PLEKHH2: variants seen among roughly 807,000 people sequenced by gnomAD.
PLEKHH2 encodes the protein pleckstrin homology domain-containing family H member 2.
In PLEKHH2, 129 loss-of-function variants were observed where a neutral mutation model predicts 187.9. The ratio of observed to expected loss-of-function variants is 0.69; its 90% confidence interval spans 0.59 to 0.79. PLEKHH2 has a LOEUF of 0.79. PLEKHH2 is among the 30% of genes least tolerant of loss of function. The pLI, the probability that PLEKHH2 is intolerant of heterozygous loss-of-function variation, is 0.00. For synonymous variants in PLEKHH2, 686 were observed against 605.6 expected, an observed-to-expected ratio of 1.13 and a Z score of -1.95; for missense variants, 2,076 against 1,751.2, an observed-to-expected ratio of 1.19 and a Z score of -3.31.
chr2:43,762,422 T>A (rs1672465008), intron 28 of PLEKHH2, 32 bp downstream of exon 28: 1 of 1,490,006 alleles, frequency 6.7e-7, no homozygotes, highest in Non-Finnish European at 9.4e-7. Context: ...TTGCATTAAG[T>A]CAACTGTTTC....
In PLEKHH2 at chr2:43,682,585, A is replaced by G. The variant is rs184202334; in HGVS notation, c.186+3660A>G. ...CTCCCAAAGTGCTGGGATTACAGGC[A>G]TGAGCCACCGTGCCCAGCCAAAATT... is the stretch of plus-strand genomic sequence containing the variant. On this transcript the variant is annotated intron_variant, in intron 3 of 29. Transcript: ENST00000282406. 2.3e-3 allele frequency among the ~76,000 whole-genome samples: 347 copies of G among 152,296 alleles called. 1 individual carries two copies. Among genetic ancestry groups the G allele is most frequent in the African/African-American group, 7.0e-3 (290 of 41,560 alleles).
At chr2:43,689,981 G>A (rs1271028936) in intron 3 of PLEKHH2, among the ~76,000 whole-genome samples, 1 of 152,208 alleles carries the variant, frequency 6.6e-6, no homozygotes, top group African/African-American at 2.4e-5. Flanking sequence ...GACACTAGAT[G>A]TAGGTCTGGT....
At chr2:43,676,387 C>T (rs2104416359) in intron 2 of PLEKHH2, 1 of 1,351,516 alleles carries the variant, frequency 7.4e-7, no homozygotes, top group South Asian at 1.5e-5. Context: ...TGGGGTCCCG[C>T]GCCTTCCGGA....
rs1671677811 is a variant in PLEKHH2, at chr2:43,744,005, T to A, written c.3555+16T>A. On this transcript the variant is annotated intron_variant, in intron 23 of 29. Transcript: ENST00000282406. ...AAACATCAAGGTGAAACCAAGTCCT[T>A]TTCAGGAGCCAAGCCCAACGAACAG... The A allele has an allele frequency of 1.2e-6, 2 of 1,607,182 alleles. No homozygotes were observed. Among genetic ancestry groups the A allele is most frequent in the Non-Finnish European group, 1.7e-6 (2 of 1,175,054 alleles).
chr2:43,710,676 C>CTTTTTTTTT, intron 14 of PLEKHH2, 101 bp downstream of exon 14: 1 of 1,452,262 alleles, frequency 6.9e-7, no homozygotes. Context: ...TTCAGTGTTT[C>CTTTTTTTTT]TTTATTCACT....
chr2:43,659,683 C>T (rs1230644285), intron 2 of PLEKHH2, among the ~76,000 whole-genome samples: 1 of 151,846 alleles, frequency 6.6e-6, no homozygotes, highest in East Asian at 1.9e-4. Flanking sequence ...TTTAGCCTCC[C>T]AAGTAGCTGG....
intron 20 of PLEKHH2, 21 bp from the exon 21 acceptor site, chr2:43,740,925 G>C: frequency 6.2e-7 from 1 of 1,612,004 alleles, no homozygotes; most frequent in Non-Finnish European, 8.5e-7. Context: ...TATCTAACCT[G>C]TGGTGCTTCT....
intron 2 of PLEKHH2, among the ~76,000 whole-genome samples, chr2:43,648,060 C>T (rs751381047): frequency 6.6e-6 from 1 of 152,188 alleles, no homozygotes; most frequent in Non-Finnish European, 1.5e-5. Context: ...CAATATCACA[C>T]AGCTAACAAA....
At chr2:43,639,372 AATATT>A (rs1408227260) in intron 1 of PLEKHH2, among the ~76,000 whole-genome samples, 28 of 152,164 alleles carry the variant, frequency 1.8e-4, no homozygotes, top group African/African-American at 6.3e-4. Flanking sequence ...CTAATTCTAG[AATATT>A]TTCATCACCC....
chr2:43,738,961 G>A (rs1270262663), intron 20 of PLEKHH2, among the ~76,000 whole-genome samples: 3 of 151,946 alleles, frequency 2.0e-5, no homozygotes, highest in African/African-American at 4.8e-5. Context: ...GCACAATGTC[G>A]GCTCACTGGA....
intron 9 of PLEKHH2, 94 bp from the exon 10 acceptor site, chr2:43,706,228 A>G: frequency 1.1e-6 from 1 of 870,956 alleles, no homozygotes; most frequent in East Asian, 2.4e-5. Context: ...ATTGCTTTTT[A>G]AATGGAGATT....
chr2:43,677,489 A>G (rs187254891), intron 2 of PLEKHH2, among the ~76,000 whole-genome samples: 77 of 152,250 alleles, frequency 5.1e-4, no homozygotes, highest in African/African-American at 1.8e-3. Flanking sequence ...GACACAGCAC[A>G]TGTTTCAGAG....
At chr2:43,729,898 C>G (rs1670956532) in intron 18 of PLEKHH2, among the ~76,000 whole-genome samples, 153 bp downstream of exon 18, 1 of 152,166 alleles carries the variant, frequency 6.6e-6, no homozygotes, top group Non-Finnish European at 1.5e-5. Context: ...AGAATTCTGT[C>G]TGTGGCTCTT....
intron 15 of PLEKHH2, among the ~76,000 whole-genome samples, chr2:43,719,219 A>G (rs1334769140): frequency 6.6e-6 from 1 of 152,168 alleles, no homozygotes; most frequent in Non-Finnish European, 1.5e-5. Flanking sequence ...TCCAGGGCCT[A>G]TATCACTTAC....
intron 2 of PLEKHH2, 23 bp downstream of exon 2, chr2:43,644,819 G>A: frequency 6.3e-7 from 1 of 1,580,316 alleles, no homozygotes; most frequent in South Asian, 1.2e-5. Context: ...CCTAAGCTTT[G>A]TTATTAAATG....
chr2:43,759,143 A>C (rs1672332046), intron 27 of PLEKHH2, 114 bp downstream of exon 27: 2 of 1,390,108 alleles, frequency 1.4e-6, no homozygotes, highest in Non-Finnish European at 1.9e-6. Flanking sequence ...AATATCCAAT[A>C]ATGTAAAGAA....
intron 20 of PLEKHH2, among the ~76,000 whole-genome samples, chr2:43,740,005 C>G (rs950412632): frequency 2.0e-5 from 3 of 152,170 alleles, no homozygotes; most frequent in African/African-American, 7.2e-5. Context: ...TAACTGTCTC[C>G]TACTAGACTG....
In PLEKHH2 at chr2:43,757,223, TC is replaced by T. The variant is rs1672246793; in HGVS notation, c.3902del (p.Pro1301LeufsTer13). 1 of 1,601,792 alleles carries T rather than the reference TC, an allele frequency of 6.2e-7. No individual in the cohort carries two copies. Among genetic ancestry groups the T allele is most frequent in the African/African-American group, 1.3e-5 (1 of 74,290 alleles). ...TAAAGCAAGTCATAGAGAAATTTTA[TC>T]CTAAAAGGTATAGAGATGGCTGTTC... ...TLKQVIEKFYPKRYRDGCSEE... is the reference protein window; with the variant it reads ...TLKQVIEKFYXKRYRDGCSEE... On this transcript the variant is annotated frameshift_variant, in exon 26 of 30. Transcript: ENST00000282406. LOFTEE classifies it high-confidence loss of function.
rs554324139 is a variant in PLEKHH2, at chr2:43,764,493, A to C, written c.4296+128A>C. The C allele has an allele frequency of 3.6e-4, 333 of 915,550 alleles. 1 individual carries two copies. The African/African-American group carries it at 5.4e-3, about 15-fold the overall frequency. The allele number at this position is 915,550 out of a possible 1,614,324, so 56.7% of individuals were successfully genotyped here. On this transcript the variant is annotated intron_variant, in intron 29 of 29. Coordinates refer to ENST00000282406, the MANE Select transcript of PLEKHH2 (RefSeq NM_172069.4). ...TTATTCAGCAAAGACTGCATTCCAG[A>C]TGGGAAAACAGACGTTATTTATAGT...
Sources: gnomAD v4.1 joint callset for allele counts (sites outside exome capture counted in the v4.1 genomes callset) on GRCh38, gnomAD v4.1.1 for gene constraint, MANE v1.5 for transcripts, NCBI Gene and HGNC (gene_info 2026-07-23, HGNC 2026-07-21) for gene names.